Variants in TAF6 observed in about 807,000 individuals in gnomAD.
TAF6 encodes the protein transcription initiation factor TFIID subunit 6.
In TAF6, 50 loss-of-function variants were observed where a neutral mutation model predicts 73.5. The observed-to-expected ratio is 0.68, with a 90% CI of 0.54 to 0.86. TAF6 has a LOEUF of 0.86. TAF6 is among the 40% of genes least tolerant of loss of function. The pLI is 0.00. For synonymous variants in TAF6, 424 were observed against 376.7 expected (o/e 1.13, Z -1.45); for missense variants, 768 against 899.5 (o/e 0.85, Z 1.87).
intron 1 of TAF6, among the ~76,000 whole-genome samples, chr7:100,117,224 AAC>A (rs1797739591): frequency 1.3e-5 from 2 of 150,514 alleles, no homozygotes; most frequent in African/African-American, 4.9e-5. Flanking sequence ...CCAGCCTGGC[AAC>A]AGAGTGAGAC....
Position 100,110,229 on chromosome 7 carries a change from T to TG in TAF6, c.1128dup (p.Ile377HisfsTer6). On this transcript the variant is annotated frameshift_variant, in exon 11 of 15. Transcript: ENST00000453269. LOFTEE classifies it high-confidence loss of function. ...TGTCCCAGCTCAGCCAAGCCTGCGA[T>TG]GGAGCCATAACGAGTCGTCCAGGGC... The TG allele has an allele frequency of 6.2e-7, 1 of 1,614,172 alleles. No individual in the cohort carries two copies. The highest frequency in any genetic ancestry group is 8.5e-7 in the Non-Finnish European group (1 of 1,180,014).
upstream of TAF6, among the ~76,000 whole-genome samples, chr7:100,123,471 C>G (rs775328993): frequency 6.6e-6 from 1 of 152,078 alleles, no homozygotes; most frequent in East Asian, 1.9e-4. Flanking sequence ...AGTTAGAGAC[C>G]AGCTTGTGCA....
chr7:100,118,408 A>T (rs900161689), intron 1 of TAF6: 2 of 151,778 alleles, frequency 1.3e-5, no homozygotes, highest in African/African-American at 4.8e-5. Flanking sequence ...CAGTAATCCC[A>T]GCACTTTGGA....
chr7:100,114,979 C>T (rs1001591007), intron 1 of TAF6, among the ~76,000 whole-genome samples: 1 of 152,216 alleles, frequency 6.6e-6, no homozygotes, highest in Non-Finnish European at 1.5e-5. Context: ...ACCTCAGCCT[C>T]CCAAGTAGCT....
intron 6 of TAF6, among the ~76,000 whole-genome samples, 166 bp from the exon 7 acceptor site, chr7:100,112,419 T>C (rs1035923153): frequency 6.6e-6 from 1 of 152,152 alleles, no homozygotes; most frequent in Non-Finnish European, 1.5e-5. Flanking sequence ...ACTTCACCAA[T>C]GGCCACATGG....
At chr7:100,113,307 G>T in intron 5 of TAF6, 42 bp downstream of exon 5, 2 of 1,527,332 alleles carry the variant, frequency 1.3e-6, no homozygotes, top group Non-Finnish European at 1.8e-6. Flanking sequence ...GAAGGAAGGG[G>T]AAAGGGACCC....
chr7:100,114,046 C>T lies in TAF6; in HGVS notation c.156+8G>A, dbSNP rs201140740. On this transcript the variant is annotated splice_region_variant and intron_variant, in intron 2 of 14. Coordinates refer to ENST00000453269, the MANE Select transcript of TAF6 (RefSeq NM_139315.3). Reference sequence around the variant, plus strand: ...CCAATGTAGAGCTGGACAGAAGGGCCGGGTCACCTGTGCGATCTCTTTGAT... The same window carrying T: ...CCAATGTAGAGCTGGACAGAAGGGCTGGGTCACCTGTGCGATCTCTTTGAT... The T allele has an allele frequency of 1.0e-4, 168 of 1,613,986 alleles. No individual in the cohort carries two copies. In the Middle Eastern group the frequency reaches 4.0e-3, roughly 38 times the overall value.
chr7:100,108,507 G>A lies in TAF6; in HGVS notation c.1318C>T (p.Pro440Ser), dbSNP rs1243610666. ...HCAPVLAKLR[P>S]PPDNQDAYRA... ...TAGGCGTCCTGATTGTCAGGCGGTG[G>A]GCGCAGCTTTGCCAGAACAGGAGCA... The change falls in exon 13 of 15, where the codon CCA (proline) becomes TCA (serine). Residue 440 changes from proline (P) to serine (S), a missense_variant. By Grantham distance (74) the Pro-to-Ser change is moderately conservative. Coordinates refer to ENST00000453269, the MANE Select transcript of TAF6 (RefSeq NM_139315.3). 12 of 1,612,700 alleles carry A rather than the reference G, an allele frequency of 7.4e-6. No individual in the cohort carries two copies. The highest frequency in any genetic ancestry group is 1.6e-4 in the Middle Eastern group (1 of 6,080).
At chr7:100,122,055 A>G (rs1280739923), upstream of TAF6, 3 of 504,510 alleles carry the variant, frequency 5.9e-6, no homozygotes, top group East Asian at 4.4e-5. Context: ...GTCTGAAAAA[A>G]AAAAAAAAAA....
At chr7:100,126,054 C>T in the TAF6 span, among the ~76,000 whole-genome samples, 5 of 152,020 alleles carry the variant, frequency 3.3e-5, no homozygotes, top group African/African-American at 1.2e-4. Context: ...GGTGTGGTGG[C>T]AGGCGCCTGC....
At chr7:100,120,321 A>G (rs1797996889), upstream of TAF6, 1 of 153,614 alleles carries the variant, frequency 6.5e-6, no homozygotes, top group Admixed American at 6.5e-5. Flanking sequence ...AGGGTGAGTA[A>G]TTCAGCCTTT....
chr7:100,123,897 G>A (rs912233778), upstream of TAF6, among the ~76,000 whole-genome samples: 4 of 152,170 alleles, frequency 2.6e-5, no homozygotes, highest in East Asian at 1.9e-4. Flanking sequence ...TTGGGAGGGC[G>A]AGACAGGCGG....
In TAF6 at chr7:100,108,352, C is replaced by G. The variant is rs781768797; in HGVS notation, c.1458+15G>C. ...TCTGCTTCCTCCTATTCCTCCTCCC[C>G]ACCCGGCCACGGACCTGCGTGATGG... On this transcript the variant is annotated intron_variant, in intron 13 of 14. Transcript: ENST00000453269. 3 of 1,589,120 alleles carry G rather than the reference C, an allele frequency of 1.9e-6. No individual in the cohort carries two copies. The highest frequency in any genetic ancestry group is 2.6e-6 in the Non-Finnish European group (3 of 1,164,474).
Position 100,107,501 on chromosome 7 carries a change from G to A in TAF6, c.1779C>T (p.Pro593=), listed in dbSNP as rs1225106801. The A allele has an allele frequency of 1.9e-6, 3 of 1,613,918 alleles. No homozygotes were observed. The highest frequency in any genetic ancestry group is 1.3e-5 in the African/African-American group (1 of 74,934). Residue 593 remains proline (P), a synonymous_variant, in exon 15 of 15, where the codon CCC becomes CCT. Transcript: ENST00000453269. The part of the protein sequence containing the change: ...KLVSTATTAP[P]STAPSGPGSV... ...TCCCAGGACCAGAGGGAGCAGTGCT[G>A]GGGGGTGCGGTGGTGGCGGTGGAGA...
rs374853247 is a variant in TAF6, at chr7:100,107,603, C to G, written c.1677G>C (p.Ser559=). 45 of 1,613,092 alleles carry G rather than the reference C, an allele frequency of 2.8e-5. No individual in the cohort carries two copies. The highest frequency in any genetic ancestry group is 3.6e-5 in the Non-Finnish European group (43 of 1,179,770). The stretch of plus-strand genomic sequence containing the variant: ...TGGTGGTGGAACCTGAGCCGGGGGC[C>G]GAGGTGCTGAGGGACAGGACCTGGA... ...STQQVLSLST[S]APGSGSTTTS... The change falls in exon 15 of 15, where the codon TCG becomes TCC. Residue 559 remains serine, a synonymous_variant. Transcript: ENST00000453269.
intron 1 of TAF6, chr7:100,115,281 A>C (rs1327443960): frequency 6.6e-6 from 1 of 152,266 alleles, no homozygotes; most frequent in Non-Finnish European, 1.5e-5. Flanking sequence ...CGTGAGCCGA[A>C]GTGTCTGGCC....
intron 2 of TAF6, 39 bp from the exon 3 acceptor site, chr7:100,113,993 T>C: frequency 6.2e-7 from 1 of 1,614,102 alleles, no homozygotes; most frequent in Non-Finnish European, 8.5e-7. Flanking sequence ...CCCAAAATCC[T>C]AAGGACGGGG....
chr7:100,118,792 AC>A, intron 1 of TAF6: 1 of 958,226 alleles, frequency 1.0e-6, no homozygotes, highest in Non-Finnish European at 1.2e-6. Flanking sequence ...AGGCCGAAAA[AC>A]AAATTGGTTC....
At chr7:100,122,307 G>GTCGATC (rs761018440), upstream of TAF6, 5 of 1,614,130 alleles carry the variant, frequency 3.1e-6, no homozygotes. Flanking sequence ...AGTCGCACCG[G>GTCGATC]TCGATCTCGA....
Sources: gnomAD v4.1 joint callset for allele counts (sites outside exome capture counted in the v4.1 genomes callset) on GRCh38, gnomAD v4.1.1 for gene constraint, MANE v1.5 for transcripts, NCBI Gene and HGNC (gene_info 2026-07-23, HGNC 2026-07-21) for gene names.